Variants in GDPD4 observed in about 807,000 individuals in gnomAD.
GDPD4 encodes glycerophosphodiester phosphodiesterase 6.
A neutral mutation model predicts 67.8 loss-of-function variants in GDPD4; 60 were observed. The observed-to-expected ratio is 0.88, with a 90% CI of 0.72 to 1.10. The LOEUF (loss-of-function observed/expected upper bound fraction) is 1.10, where lower values mean the gene tolerates loss of function less well. Ranked by LOEUF, GDPD4 falls within the 50% of genes least tolerant of loss-of-function variation. The pLI is 0.00. For synonymous variants in GDPD4, 212 were observed against 210.9 expected, an observed-to-expected ratio of 1.00 and a Z score of -0.04; for missense variants, 623 against 613.9, an observed-to-expected ratio of 1.01 and a Z score of -0.16.
chr11:77,254,819 A>C (rs1334296428), intron 11 of GDPD4, among the ~76,000 whole-genome samples: 1 of 152,200 alleles, frequency 6.6e-6, no homozygotes, highest in Non-Finnish European at 1.5e-5. Flanking sequence ...AAGATTAATA[A>C]ATACATTAAT....
chr11:77,228,499 C>CA (rs58364800), intron 15 of GDPD4, among the ~76,000 whole-genome samples: 811 of 26,584 alleles, frequency 0.031, 125 homozygotes, highest in East Asian at 0.037. Context: ...GACTCCGTCT[C>CA]AAAAAAAAAA....
rs12363944 is a variant in GDPD4 at position 77,216,980 on chromosome 11, A to G, written c.*297T>C. The stretch of plus-strand genomic sequence containing the variant: ...TATGGAGGGCATGGTTGGCTTATCC[A>G]CCTTCAGGGTGGGCAATGTAGTTTG... On this transcript the variant is annotated 3_prime_UTR_variant, in exon 17 of 17. Transcript: ENST00000315938. 154,951 of 702,780 alleles carry G rather than the reference A, an allele frequency of 0.22. 20,521 individuals carry two copies. The highest frequency in any genetic ancestry group is 0.28 in the Non-Finnish European group (107,387 of 384,942). The allele number at this position is 702,780 out of a possible 1,614,324, so 43.5% of individuals were successfully genotyped here.
At chr11:77,274,220 T>C (rs745515077) in intron 5 of GDPD4, among the ~76,000 whole-genome samples, 1 of 152,374 alleles carries the variant, frequency 6.6e-6, no homozygotes, top group East Asian at 1.9e-4. Context: ...AAAAATCTCA[T>C]GGCTTCAAGC....
intron 16 of GDPD4, among the ~76,000 whole-genome samples, chr11:77,225,139 A>G (rs1958303319): frequency 1.3e-5 from 2 of 152,050 alleles, no homozygotes; most frequent in Admixed American, 6.6e-5. Context: ...TAAACACAGC[A>G]ATAGAATCTA....
intron 1 of GDPD4, among the ~76,000 whole-genome samples, chr11:77,288,430 C>T (rs1937644193): frequency 6.6e-6 from 1 of 152,166 alleles, no homozygotes; most frequent in Admixed American, 6.6e-5. Flanking sequence ...GCCACCACCA[C>T]CACTGGGGCC....
At chr11:77,218,812 C>T (rs898946405) in intron 16 of GDPD4, among the ~76,000 whole-genome samples, 3 of 146,898 alleles carry the variant, frequency 2.0e-5, no homozygotes, top group African/African-American at 5.1e-5. Context: ...GGGTTGGTTC[C>T]AAGTCTTTGC....
At chr11:77,296,609 C>G (rs1397257063) in intron 1 of GDPD4, among the ~76,000 whole-genome samples, 1 of 151,734 alleles carries the variant, frequency 6.6e-6, no homozygotes. Flanking sequence ...GTGTGAGCTA[C>G]TGCACCCGGC....
At chr11:77,298,239 C>T (rs1353074440) in intron 1 of GDPD4, among the ~76,000 whole-genome samples, 4 of 152,270 alleles carry the variant, frequency 2.6e-5, no homozygotes, top group Admixed American at 2.6e-4. Flanking sequence ...AGGCCAGGCG[C>T]GCTGACTCAC....
intron 11 of GDPD4, among the ~76,000 whole-genome samples, chr11:77,254,433 G>T (rs1472090075): frequency 6.6e-6 from 1 of 152,102 alleles, no homozygotes; most frequent in Admixed American, 6.5e-5. Flanking sequence ...CTCTGGTGCT[G>T]TCCTTTATTT....
chr11:77,300,625 G>A (rs1938128604), intron 1 of GDPD4, among the ~76,000 whole-genome samples: 2 of 152,010 alleles, frequency 1.3e-5, no homozygotes, highest in Non-Finnish European at 2.9e-5. Flanking sequence ...ATAGAACACT[G>A]TACTCAACAA....
intron 11 of GDPD4, 110 bp downstream of exon 11, chr11:77,258,276 A>G: frequency 9.5e-7 from 1 of 1,051,660 alleles, no homozygotes; most frequent in Non-Finnish European, 1.4e-6. Flanking sequence ...CTGGGATGAA[A>G]TCGTGTGGAT....
At chr11:77,222,064 TC>T (rs770992331) in intron 16 of GDPD4, among the ~76,000 whole-genome samples, 1 of 149,818 alleles carries the variant, frequency 6.7e-6, no homozygotes, top group African/African-American at 2.4e-5. Flanking sequence ...TTTTTTGCTT[TC>T]CATTTGCTTG....
chr11:77,292,191 A>C (rs1370530264), intron 1 of GDPD4, among the ~76,000 whole-genome samples: 1 of 152,094 alleles, frequency 6.6e-6, no homozygotes, highest in Non-Finnish European at 1.5e-5. Context: ...CAAATCCAAA[A>C]TTATAGTCAG....
intron 13 of GDPD4, among the ~76,000 whole-genome samples, chr11:77,235,009 G>GTGT (rs1413310722): frequency 9.6e-5 from 5 of 52,252 alleles, no homozygotes; most frequent in African/African-American, 1.9e-4. Flanking sequence ...GTCAATATCT[G>GTGT]TTTTTTTTTT....
Position 77,217,293 on chromosome 11 carries a change from T to C in GDPD4, c.1547A>G (p.Asn516Ser), listed in dbSNP as rs1333505095. ...TCTATCTATCTATCTATCTTCCTCA[T>C]TCTTACTTCCACTCTGAGTATCTGT... ...TRTDTQSGSKNEEDR is the reference protein window; with the variant it reads ...TRTDTQSGSKSEEDR Residue 516 changes from asparagine (N) to serine (S), a missense_variant, in exon 17 of 17, where the codon AAT (asparagine) becomes AGT (serine). Physicochemically the swap from Asn to Ser is conservative, Grantham distance 46. Transcript: ENST00000315938. 3 of 1,608,216 alleles carry C rather than the reference T, an allele frequency of 1.9e-6. No homozygotes were observed. Among genetic ancestry groups the C allele is most frequent in the East Asian group, 2.2e-5 (1 of 44,848 alleles).
chr11:77,257,374 G>A (rs1959021479), intron 11 of GDPD4, among the ~76,000 whole-genome samples: 1 of 151,968 alleles, frequency 6.6e-6, no homozygotes, highest in African/African-American at 2.4e-5. Context: ...ATGCAATTCT[G>A]ACTTTTTACC....
At chr11:77,222,333 T>G (rs11605279) in intron 16 of GDPD4, among the ~76,000 whole-genome samples, 48,223 of 152,190 alleles carry the variant, frequency 0.32, 7,973 homozygotes, top group East Asian at 0.46. Flanking sequence ...TCTTTACAGT[T>G]TGGCATGTTT....
chr11:77,235,490 G>C (rs1355952051), intron 13 of GDPD4, among the ~76,000 whole-genome samples: 2 of 152,214 alleles, frequency 1.3e-5, no homozygotes, highest in African/African-American at 4.8e-5. Flanking sequence ...ACATAAATCA[G>C]TGGAACAGAA....
chr11:77,270,062 T>C, intron 7 of GDPD4, 102 bp from the exon 8 acceptor site: 1 of 622,678 alleles, frequency 1.6e-6, no homozygotes, highest in East Asian at 2.8e-5. Flanking sequence ...CACAAGCATA[T>C]ATATATAAAC....
Sources: allele counts gnomAD v4.1 joint callset (sites outside exome capture counted in the v4.1 genomes callset), GRCh38; gene constraint gnomAD v4.1.1; transcripts MANE v1.5; gene names NCBI Gene and HGNC (gene_info 2026-07-23, HGNC 2026-07-21).